Variants in CDC42BPA observed in about 807,000 individuals in gnomAD.
CDC42BPA encodes the protein serine/threonine-protein kinase MRCK alpha.
A neutral mutation model predicts 223.5 loss-of-function variants in CDC42BPA; 80 were observed. The observed-to-expected ratio is 0.36, with a 90% CI of 0.30 to 0.43. CDC42BPA has a LOEUF of 0.43. CDC42BPA is among the 20% of genes least tolerant of loss of function. The pLI is 1.00. For missense variants in CDC42BPA, 1,743 were observed against 2,099.9 expected, an observed-to-expected ratio of 0.83 and a Z score of 3.32; for synonymous variants, 694 against 718.6, an observed-to-expected ratio of 0.97 and a Z score of 0.55.
intron 11 of CDC42BPA, 89 bp downstream of exon 11, chr1:227,129,020 G>C (rs768564696): frequency 1.1e-6 from 1 of 878,716 alleles, no homozygotes. Flanking sequence ...ACATAACACA[G>C]ACAGGTTCTC....
At chr1:227,054,080 T>G (rs1249814198) in intron 21 of CDC42BPA, among the ~76,000 whole-genome samples, 1 of 152,194 alleles carries the variant, frequency 6.6e-6, no homozygotes, top group Non-Finnish European at 1.5e-5. Flanking sequence ...GGACTTTCTA[T>G]GTGTAAGAAA....
chr1:227,187,171 C>A (rs10753430), intron 5 of CDC42BPA, among the ~76,000 whole-genome samples: 2 of 151,864 alleles, frequency 1.3e-5, no homozygotes, highest in African/African-American at 4.8e-5. Flanking sequence ...ATACTAAAAA[C>A]GGGACAGAGA....
In CDC42BPA at chr1:227,286,062, G is replaced by A. The variant is rs138917510; in HGVS notation, c.178+30943C>T. 2.1e-4 allele frequency among the ~76,000 whole-genome samples: 32 copies of A among 152,138 alleles called. No individual in the cohort carries two copies. In the East Asian group the frequency reaches 4.3e-3, roughly 20 times the overall value. On this transcript the variant is annotated intron_variant, in intron 1 of 36. Coordinates refer to ENST00000366766, the MANE Select transcript of CDC42BPA (RefSeq NM_001394014.1). Reference sequence around the variant, plus strand: ...GCCTTTTTCCCACTGTCTTAATATCGGCACTTACCTACCTTTTCATCATGC... The same window carrying A: ...GCCTTTTTCCCACTGTCTTAATATCAGCACTTACCTACCTTTTCATCATGC...
intron 3 of CDC42BPA, among the ~76,000 whole-genome samples, chr1:227,203,158 C>T (rs1013475990): frequency 4.6e-4 from 70 of 152,050 alleles, no homozygotes; most frequent in African/African-American, 1.6e-3. Flanking sequence ...TAAGCAAACC[C>T]CAGACAGCAT....
chr1:227,193,295 C>T (rs927752985), intron 5 of CDC42BPA, among the ~76,000 whole-genome samples: 4 of 151,914 alleles, frequency 2.6e-5, no homozygotes, highest in African/African-American at 7.3e-5. Flanking sequence ...CTCCTGACCT[C>T]GTAATCTGCC....
intron 32 of CDC42BPA, among the ~76,000 whole-genome samples, chr1:227,019,876 C>T (rs927765500): frequency 6.6e-6 from 1 of 152,006 alleles, no homozygotes; most frequent in Non-Finnish European, 1.5e-5. Context: ...TTATAAAATA[C>T]AGGCAGAGTA....
chr1:227,059,116 T>TA (rs1009010859), intron 21 of CDC42BPA, among the ~76,000 whole-genome samples: 1 of 151,892 alleles, frequency 6.6e-6, no homozygotes, highest in African/African-American at 2.4e-5. Context: ...TTGATCAAAC[T>TA]AAAAAAGATA....
chr1:227,201,821 C>G (rs117265489), intron 3 of CDC42BPA, among the ~76,000 whole-genome samples: 1 of 150,428 alleles, frequency 6.6e-6, no homozygotes, highest in East Asian at 1.9e-4. Context: ...CCTTCCGTAT[C>G]AGTACACAGA....
At chr1:227,134,583 G>A (rs1419143065) in intron 10 of CDC42BPA, among the ~76,000 whole-genome samples, 1 of 152,116 alleles carries the variant, frequency 6.6e-6, no homozygotes, top group African/African-American at 2.4e-5. Context: ...ACATAACAAG[G>A]GGAGGTATTT....
intron 2 of CDC42BPA, among the ~76,000 whole-genome samples, chr1:227,244,043 C>T (rs183807083): frequency 2.0e-5 from 3 of 151,438 alleles, no homozygotes; most frequent in Non-Finnish European, 2.9e-5. Flanking sequence ...CCCATGTTAG[C>T]GAGGTTATAA....
intron 1 of CDC42BPA, among the ~76,000 whole-genome samples, chr1:227,280,006 C>T (rs1017990276): frequency 1.3e-5 from 2 of 151,738 alleles, no homozygotes; most frequent in Admixed American, 6.6e-5. Context: ...TGCAGTGAAC[C>T]GAGATTGTGC....
At chr1:227,297,967 T>TATATATATATATATATACACACACACAC (rs369403944) in intron 1 of CDC42BPA, among the ~76,000 whole-genome samples, 45 of 132,036 alleles carry the variant, frequency 3.4e-4, no homozygotes, top group African/African-American at 1.2e-3. Flanking sequence ...TATATACATA[T>TATATATATATATATATACACACACACAC]ACACACACAC....
At chr1:227,286,358 A>C (rs185982725) in intron 1 of CDC42BPA, among the ~76,000 whole-genome samples, 4 of 152,290 alleles carry the variant, frequency 2.6e-5, no homozygotes, top group Admixed American at 6.5e-5. Context: ...TCAGCCTTTC[A>C]CAAAGTCCTA....
chr1:227,152,468 T>C (rs1010339074), intron 6 of CDC42BPA, among the ~76,000 whole-genome samples: 2 of 152,162 alleles, frequency 1.3e-5, no homozygotes, highest in African/African-American at 4.8e-5. Context: ...ATAGGGAATG[T>C]GGCAGAAAAA....
chr1:227,245,646 G>A (rs189135561), intron 2 of CDC42BPA, among the ~76,000 whole-genome samples: 1 of 152,286 alleles, frequency 6.6e-6, no homozygotes, highest in Non-Finnish European at 1.5e-5. Flanking sequence ...CAGAGCACCA[G>A]GCAGAGCCAT....
chr1:227,129,020 G>A (rs768564696), intron 11 of CDC42BPA, 89 bp downstream of exon 11: 12 of 878,720 alleles, frequency 1.4e-5, no homozygotes, highest in Non-Finnish European at 2.1e-5. Flanking sequence ...ACATAACACA[G>A]ACAGGTTCTC....
At chr1:227,233,810 G>A (rs1402706815) in intron 2 of CDC42BPA, among the ~76,000 whole-genome samples, 7 of 152,050 alleles carry the variant, frequency 4.6e-5, no homozygotes. Flanking sequence ...GCGGACCCCT[G>A]TAATCCCAGC....
chr1:227,299,356 C>T (rs561429809), intron 1 of CDC42BPA, among the ~76,000 whole-genome samples: 1 of 152,250 alleles, frequency 6.6e-6, no homozygotes, highest in African/African-American at 2.4e-5. Flanking sequence ...AAAGGAAATA[C>T]TTCTACAGCT....
At position 227,273,618 on chromosome 1, in the gene CDC42BPA, G is replaced by A. The variant is rs1031530782; in HGVS notation, c.179-19463C>T. Among the ~76,000 whole-genome samples the A allele has an allele frequency of 7.9e-5, 12 of 151,756 alleles. No homozygotes were observed. In the East Asian group the frequency reaches 1.9e-3, roughly 24 times the overall value. ...GTAAGATGACTGATAAAAATAGGGA[G>A]GAGTTCAACTTATAAGGAAAAGAAT... On this transcript the variant is annotated intron_variant, in intron 1 of 36. Transcript: ENST00000366766.
Sources: allele counts gnomAD v4.1 joint callset (sites outside exome capture counted in the v4.1 genomes callset), GRCh38; gene constraint gnomAD v4.1.1; transcripts MANE v1.5; gene names NCBI Gene and HGNC (gene_info 2026-07-23, HGNC 2026-07-21).